NIBAN1: variants seen among roughly 807,000 people sequenced by gnomAD.
NIBAN1 encodes protein Niban 1.
NIBAN1 carries 81 observed loss-of-function variants against 75.1 expected under a neutral mutation model. The observed-to-expected ratio is 1.08, with a 90% CI of 0.90 to 1.30. The LOEUF (loss-of-function observed/expected upper bound fraction) is 1.30, where lower values mean the gene tolerates loss of function less well. Ranked by LOEUF, NIBAN1 falls within the 50% of genes most tolerant of loss-of-function variation. The pLI, the probability that NIBAN1 is intolerant of heterozygous loss-of-function variation, is 0.00. For missense variants in NIBAN1, 1,133 were observed against 1,128.1 expected, an observed-to-expected ratio of 1.00 and a Z score of -0.06; for synonymous variants, 436 against 424.8, an observed-to-expected ratio of 1.03 and a Z score of -0.32.
intron 1 of NIBAN1, among the ~76,000 whole-genome samples, chr1:184,908,167 A>T (rs188617080): frequency 1.6e-3 from 238 of 152,318 alleles, no homozygotes; most frequent in African/African-American, 5.5e-3. Flanking sequence ...AGAGACCCTA[A>T]GTTCTTCCCA....
Position 184,791,914 on chromosome 1 carries a change from T to C in NIBAN1, c.*3063A>G, listed in dbSNP as rs1653706694. On this transcript the variant is annotated 3_prime_UTR_variant, in exon 14 of 14. Transcript: ENST00000367511. ...GTATTTTAAATGCACTCTAGTTTCC[T>C]GTTCCATCTTCAAATTAAACAATCA... is the stretch of plus-strand genomic sequence containing the variant. 2.0e-5 allele frequency: 3 copies of C among 152,156 alleles called. No homozygotes were observed. In the South Asian group the frequency reaches 6.2e-4, roughly 31 times the overall value. 9.4% of individuals were successfully genotyped at this position (152,156 alleles called of 1,614,324 possible). A position where few individuals can be genotyped will look rare whatever the true frequency, so the allele number is the denominator to read the frequency against.
rs778462724 is a variant in NIBAN1, at chr1:184,805,895, A to AG, written c.1446+50dup. The AG allele has an allele frequency of 2.1e-6, 3 of 1,418,196 alleles. No homozygotes were observed. The South Asian group carries it at 3.5e-5, about 16-fold the overall frequency. 87.9% of individuals were successfully genotyped at this position (1,418,196 alleles called of 1,614,324 possible). On this transcript the variant is annotated intron_variant, in intron 11 of 13. Transcript: ENST00000367511. ...GTATTTTCCACTTTACAAAAGAAACAGGGGTCACGTTCTCTTTTTATGCTT... is the reference window on the plus strand; with the variant it reads ...GTATTTTCCACTTTACAAAAGAAACAGGGGGTCACGTTCTCTTTTTATGCTT...
At chr1:184,803,514 C>T in intron 12 of NIBAN1, 71 bp downstream of exon 12, 2 of 1,208,170 alleles carry the variant, frequency 1.7e-6, no homozygotes, top group Non-Finnish European at 2.4e-6. Context: ...TGCCAGTACA[C>T]ATCACAAAAG....
chr1:184,909,076 AT>A (rs1207512268), intron 1 of NIBAN1, among the ~76,000 whole-genome samples: 1 of 152,152 alleles, frequency 6.6e-6, no homozygotes, highest in Non-Finnish European at 1.5e-5. Flanking sequence ...CAGTCATTAA[AT>A]TTTTTCTGCA....
chr1:184,936,563 C>T (rs1169678965), intron 1 of NIBAN1, among the ~76,000 whole-genome samples: 1 of 152,192 alleles, frequency 6.6e-6, no homozygotes, highest in Admixed American at 6.5e-5. Flanking sequence ...AGTTAGCAGG[C>T]CCACCTGCCC....
intron 5 of NIBAN1, among the ~76,000 whole-genome samples, chr1:184,844,960 A>T (rs555509743): frequency 1.3e-3 from 200 of 152,322 alleles, no homozygotes; most frequent in African/African-American, 4.6e-3. Flanking sequence ...TAATTGTTTT[A>T]AAAAAAGTAG....
intron 2 of NIBAN1, among the ~76,000 whole-genome samples, chr1:184,898,354 C>T (rs1439048484): frequency 6.6e-6 from 1 of 152,200 alleles, no homozygotes; most frequent in Non-Finnish European, 1.5e-5. Context: ...GTGGCTCACA[C>T]CTGTAATCCC....
chr1:184,824,052 T>C (rs778739605), intron 6 of NIBAN1, among the ~76,000 whole-genome samples: 1 of 152,166 alleles, frequency 6.6e-6, no homozygotes, highest in Non-Finnish European at 1.5e-5. Flanking sequence ...ACTTAGGGCA[T>C]ACAGTAAAAT....
At chr1:184,910,216 A>T (rs910514579) in intron 1 of NIBAN1, among the ~76,000 whole-genome samples, 2 of 152,140 alleles carry the variant, frequency 1.3e-5, no homozygotes, top group African/African-American at 4.8e-5. Context: ...ACTGTAAATA[A>T]CTGAGACTAC....
chr1:184,806,180 G>A (rs112154483), intron 10 of NIBAN1, 124 bp from the exon 11 acceptor site: 165 of 675,232 alleles, frequency 2.4e-4, no homozygotes, highest in African/African-American at 2.3e-3. Flanking sequence ...GCTGCTATTC[G>A]GTGGGGGTAC....
chr1:184,814,162 A>T (rs1654462400), intron 9 of NIBAN1, among the ~76,000 whole-genome samples: 1 of 152,160 alleles, frequency 6.6e-6, no homozygotes, highest in Admixed American at 6.5e-5. Context: ...ACTGTAAGAG[A>T]TTCTATGTGT....
chr1:184,878,893 C>A (rs551396502), intron 5 of NIBAN1, among the ~76,000 whole-genome samples: 2 of 152,116 alleles, frequency 1.3e-5, no homozygotes, highest in Non-Finnish European at 2.9e-5. Context: ...CCATGAAAGT[C>A]CCTCCCAAAT....
intron 5 of NIBAN1, among the ~76,000 whole-genome samples, chr1:184,857,858 G>A (rs1314628337): frequency 6.6e-6 from 1 of 151,806 alleles, no homozygotes; most frequent in African/African-American, 2.4e-5. Flanking sequence ...CATTTAAAGG[G>A]AAAATGTTAG....
intron 1 of NIBAN1, among the ~76,000 whole-genome samples, chr1:184,933,138 C>A (rs891199475): frequency 5.3e-5 from 8 of 152,198 alleles, no homozygotes; most frequent in Admixed American, 3.3e-4. Flanking sequence ...CTTCCCTACA[C>A]TCCCACCAAA....
At chr1:184,877,188 G>A (rs1393330827) in intron 5 of NIBAN1, among the ~76,000 whole-genome samples, 3 of 152,100 alleles carry the variant, frequency 2.0e-5, no homozygotes, top group Non-Finnish European at 4.4e-5. Context: ...GCAGCTACAA[G>A]CAATAACATG....
intron 5 of NIBAN1, among the ~76,000 whole-genome samples, chr1:184,876,339 T>C (rs780571896): frequency 1.4e-4 from 22 of 151,818 alleles, no homozygotes; most frequent in Non-Finnish European, 2.6e-4. Flanking sequence ...GCCACCAAAC[T>C]TCAAACATAA....
intron 12 of NIBAN1, among the ~76,000 whole-genome samples, chr1:184,803,309 G>A (rs1654095713): frequency 6.6e-6 from 1 of 152,126 alleles, no homozygotes. Context: ...TCTAGTCCAG[G>A]GGTCAGCATA....
chr1:184,928,898 A>G (rs552623986), intron 1 of NIBAN1, among the ~76,000 whole-genome samples: 3 of 152,264 alleles, frequency 2.0e-5, no homozygotes, highest in Admixed American at 6.5e-5. Context: ...CTATTAGGCC[A>G]TCTTGCTCTG....
intron 9 of NIBAN1, among the ~76,000 whole-genome samples, chr1:184,809,315 A>G (rs1479137713): frequency 1.3e-5 from 2 of 152,168 alleles, no homozygotes; most frequent in African/African-American, 4.8e-5. Context: ...CACCAAATGG[A>G]ATGTGTCTAT....
Sources: gnomAD v4.1 joint callset for allele counts (sites outside exome capture counted in the v4.1 genomes callset) on GRCh38, gnomAD v4.1.1 for gene constraint, MANE v1.5 for transcripts, NCBI Gene and HGNC (gene_info 2026-07-23, HGNC 2026-07-21) for gene names.